Variants in PPP2R2A observed in about 807,000 individuals in gnomAD.
PPP2R2A encodes the protein serine/threonine-protein phosphatase 2A 55 kDa regulatory subunit B alpha isoform.
PPP2R2A carries 9 observed loss-of-function variants against 53.2 expected under a neutral mutation model. That is an observed-to-expected ratio of 0.17 (90% CI 0.10 to 0.30). The LOEUF is 0.30. Among genes scored for constraint, PPP2R2A ranks in the 10% least tolerant of loss-of-function variants. The pLI is 1.00. For synonymous variants in PPP2R2A, 169 were observed against 174.2 expected (o/e 0.97, Z 0.23); for missense variants, 235 against 534.6 (o/e 0.44, Z 5.53).
chr8:26,314,901 C>CCG (rs1802471537), intron 2 of PPP2R2A, among the ~76,000 whole-genome samples: 1 of 143,288 alleles, frequency 7.0e-6, no homozygotes, highest in South Asian at 2.3e-4. Context: ...CCCCCCCCCC[C>CCG]CCAACTATTT....
intron 8 of PPP2R2A, 23 bp downstream of exon 8, chr8:26,363,913 T>C: frequency 6.4e-7 from 1 of 1,569,600 alleles, no homozygotes; most frequent in Non-Finnish European, 8.7e-7. Context: ...TTTCTTTCAA[T>C]GAGCATATAC....
At position 26,366,363 on chromosome 8, in the gene PPP2R2A, T is replaced by TATGC; in HGVS notation, c.1021_1022insATGC (p.Cys341TyrfsTer5). ...ACTCTGTTCACTGTATGAAAATGAC[T>TATGC]GCATATTTGACAAATTTGAATGTTG... is the stretch of plus-strand genomic sequence containing the variant. On this transcript the variant is annotated frameshift_variant, in exon 9 of 10. Transcript: ENST00000380737. LOFTEE classifies it high-confidence loss of function. 6.2e-7 allele frequency: 1 copy of TATGC among 1,600,694 alleles called. No homozygotes were observed. The highest frequency in any genetic ancestry group is 8.5e-7 in the Non-Finnish European group (1 of 1,175,606).
At chr8:26,350,991 A>AAAAAC (rs992445655) in intron 3 of PPP2R2A, among the ~76,000 whole-genome samples, 50 of 152,116 alleles carry the variant, frequency 3.3e-4, no homozygotes, top group African/African-American at 1.0e-3. Context: ...ATCTTTTTTA[A>AAAAAC]AAAACAAAAC....
At chr8:26,351,337 C>G (rs1804501428) in intron 3 of PPP2R2A, among the ~76,000 whole-genome samples, 1 of 151,866 alleles carries the variant, frequency 6.6e-6, no homozygotes. Context: ...CTCCATGGCC[C>G]TCTTTAAAGT....
chr8:26,360,003 G>GATAATAGGAAA lies in PPP2R2A; in HGVS notation c.347-166_347-165insATAATAGGAAA, dbSNP rs1563322962. ...ATCTTTGCACTTTATTTCCATGTGT[G>GATAATAGGAAA]TATGTTATTCAGCTGATAATAGGAA... On this transcript the variant is annotated intron_variant, in intron 4 of 9. Transcript: ENST00000380737. This position sits in a 1 kb window ranked among gnomAD's most constrained non-coding sequence, Gnocchi z 4.5. 1.3e-5 allele frequency among the ~76,000 whole-genome samples: 2 copies of GATAATAGGAAA among 150,526 alleles called. No homozygotes were observed. Among genetic ancestry groups the GATAATAGGAAA allele is most frequent in the African/African-American group, 4.9e-5 (2 of 41,006 alleles).
intron 3 of PPP2R2A, among the ~76,000 whole-genome samples, chr8:26,349,446 A>G (rs532545350): frequency 4.6e-5 from 7 of 152,322 alleles, no homozygotes; most frequent in Admixed American, 2.6e-4. Context: ...TGTAATGGGC[A>G]TGGCTGTCCA....
At chr8:26,352,692 T>C (rs927782264) in intron 3 of PPP2R2A, among the ~76,000 whole-genome samples, 2 of 152,226 alleles carry the variant, frequency 1.3e-5, no homozygotes, top group African/African-American at 4.8e-5. Context: ...TTTTGGATTC[T>C]GTAAGATACC....
At chr8:26,353,916 T>C (rs561687412) in intron 3 of PPP2R2A, among the ~76,000 whole-genome samples, 2 of 152,054 alleles carry the variant, frequency 1.3e-5, no homozygotes, top group South Asian at 2.1e-4. Context: ...GGGTGGGAGG[T>C]AGGGGTCAAA....
intron 1 of PPP2R2A, chr8:26,293,127 C>G: frequency 9.4e-7 from 1 of 1,059,256 alleles, no homozygotes. Flanking sequence ...GTTTCTTTTC[C>G]TCTCTGTCTG....
In PPP2R2A at chr8:26,354,493, G is replaced by T; in HGVS notation, c.206G>T (p.Gly69Val). The T allele has an allele frequency of 6.3e-7, 1 of 1,581,926 alleles. No homozygotes were observed. The highest frequency in any genetic ancestry group is 1.2e-5 in the South Asian group (1 of 85,112). ...QENKIQSHSR[G>V]EYNVYSTFQS... ...AACAAAATCCAGTCTCATAGCAGAG[G>T]AGAATATAATGTTTACAGCACCTTC... Residue 69 changes from glycine to valine, a missense_variant, in exon 4 of 10, where the codon GGA (glycine) becomes GTA (valine). Around this residue, in one of 3 missense-constraint regions of PPP2R2A, gnomAD observed 51 missense variants for 80.6 expected, o/e 0.63. Coordinates refer to ENST00000380737, the MANE Select transcript of PPP2R2A (RefSeq NM_002717.4). This position sits in a 1 kb window ranked among gnomAD's most constrained non-coding sequence, Gnocchi z 4.6.
Position 26,372,185 on chromosome 8 carries a change from G to A in PPP2R2A, c.*1772G>A, listed in dbSNP as rs1355369711. On this transcript the variant is annotated 3_prime_UTR_variant, in exon 10 of 10. Transcript: ENST00000380737. ...TTTTGGATTTAACAAATTTGTATTT[G>A]AAACACATTCTATGTCTGATAATTC... 6.6e-6 allele frequency: 1 copy of A among 152,142 alleles called. No individual in the cohort carries two copies. Among genetic ancestry groups the A allele is most frequent in the Non-Finnish European group, 1.5e-5 (1 of 68,018 alleles). The allele number at this position is 152,142 out of a possible 1,614,324, so 9.4% of individuals were successfully genotyped here.
Position 26,354,361 on chromosome 8 carries a change from AC to A in PPP2R2A, c.181-106del. The stretch of plus-strand genomic sequence containing the variant: ...CAGAATGTAATTGTATAAAGACACA[AC>A]TAATGGGGTATTGAGAATGTGCAGG... On this transcript the variant is annotated intron_variant, in intron 3 of 9. Coordinates refer to ENST00000380737, the MANE Select transcript of PPP2R2A (RefSeq NM_002717.4). The surrounding 1 kb of genome is among the most constrained non-coding windows in gnomAD (Gnocchi z 4.6). 1.2e-6 allele frequency: 1 copy of A among 840,298 alleles called. No homozygotes were observed. The highest frequency in any genetic ancestry group is 3.6e-5 in the South Asian group (1 of 27,694). The allele number at this position is 840,298 out of a possible 1,614,324, so 52.1% of individuals were successfully genotyped here.
intron 2 of PPP2R2A, among the ~76,000 whole-genome samples, chr8:26,303,138 C>T (rs1447667895): frequency 6.6e-6 from 1 of 152,114 alleles, no homozygotes; most frequent in African/African-American, 2.4e-5. Context: ...TTTCAGTCTC[C>T]TCCCTCCCTG....
chr8:26,322,415 C>T (rs995448771), intron 2 of PPP2R2A, among the ~76,000 whole-genome samples: 4 of 152,128 alleles, frequency 2.6e-5, no homozygotes, highest in East Asian at 1.9e-4. Flanking sequence ...ACATTTCTAT[C>T]GTAGGAAGTT....
At chr8:26,363,189 T>C (rs573861811) in intron 7 of PPP2R2A, 2 of 170,402 alleles carry the variant, frequency 1.2e-5, no homozygotes, top group African/African-American at 2.4e-5. Flanking sequence ...TAGGAAGATT[T>C]CTTCTGAGGT....
chr8:26,304,567 A>C (rs939505999), intron 2 of PPP2R2A, among the ~76,000 whole-genome samples: 3 of 152,196 alleles, frequency 2.0e-5, no homozygotes, highest in African/African-American at 7.2e-5. Flanking sequence ...TGAAAGTAGA[A>C]ATAGTACCTT....
intron 3 of PPP2R2A, among the ~76,000 whole-genome samples, chr8:26,344,082 C>CA (rs1310487173): frequency 1.3e-5 from 2 of 152,220 alleles, no homozygotes; most frequent in East Asian, 3.9e-4. Context: ...GGAAGTGATT[C>CA]TTCACTGCAG....
At chr8:26,298,977 T>C (rs1801662571) in intron 2 of PPP2R2A, among the ~76,000 whole-genome samples, 1 of 152,196 alleles carries the variant, frequency 6.6e-6, no homozygotes, top group Admixed American at 6.5e-5. Flanking sequence ...TAATAATTGG[T>C]CAAAATAATA....
At chr8:26,320,548 C>T (rs1239347800) in intron 2 of PPP2R2A, among the ~76,000 whole-genome samples, 2 of 152,124 alleles carry the variant, frequency 1.3e-5, no homozygotes, top group Non-Finnish European at 2.9e-5. Context: ...TTCCACAGTG[C>T]CAGGTGCCCA....
Sources: gnomAD v4.1 joint callset for allele counts (sites outside exome capture counted in the v4.1 genomes callset) on GRCh38, gnomAD v4.1.1 for gene constraint, gnomAD v4.1.1 regional missense constraint, Gnocchi (gnomAD v3.1) non-coding constraint, MANE v1.5 for transcripts, NCBI Gene and HGNC (gene_info 2026-07-23, HGNC 2026-07-21) for gene names.